The following EIF4EBP1 variants were observed in gnomAD, a reference collection of about 807,000 sequenced individuals.
The protein encoded by EIF4EBP1 is eukaryotic translation initiation factor 4E-binding protein 1.
EIF4EBP1 carries 5 observed loss-of-function variants against 9.2 expected under a neutral mutation model. That is an observed-to-expected ratio of 0.54 (90% CI 0.28 to 1.14). The LOEUF (loss-of-function observed/expected upper bound fraction) is 1.14. Among genes scored for constraint, EIF4EBP1 ranks in the 50% most tolerant of loss-of-function variants. The pLI is 0.09. For synonymous variants in EIF4EBP1, 62 were observed against 67.0 expected, an observed-to-expected ratio of 0.93 and a Z score of 0.36; for missense variants, 139 against 169.6, an observed-to-expected ratio of 0.82 and a Z score of 1.00.
intron 1 of EIF4EBP1, among the ~76,000 whole-genome samples, chr8:38,047,804 A>G (rs1293533559): frequency 1.3e-5 from 2 of 152,160 alleles, no homozygotes; most frequent in Admixed American, 1.3e-4. Flanking sequence ...TTTTTGATAA[A>G]TGAGGTTTTT....
chr8:38,037,401 C>A (rs1276522382), intron 1 of EIF4EBP1, among the ~76,000 whole-genome samples: 1 of 152,170 alleles, frequency 6.6e-6, no homozygotes, highest in Non-Finnish European at 1.5e-5. Context: ...ACTGCAACCT[C>A]CACCTCCCTG....
chr8:38,058,252 C>T (rs917012944), intron 2 of EIF4EBP1, among the ~76,000 whole-genome samples: 4 of 152,134 alleles, frequency 2.6e-5, no homozygotes, highest in Non-Finnish European at 4.4e-5. Context: ...GCTGGGAAGG[C>T]CAAGGGCATG....
At chr8:38,043,544 A>G (rs1809411650) in intron 1 of EIF4EBP1, among the ~76,000 whole-genome samples, 2 of 151,794 alleles carry the variant, frequency 1.3e-5, no homozygotes, top group South Asian at 4.2e-4. Context: ...ACAGAGTTTC[A>G]ACACGTTGGC....
chr8:38,030,800 A>T lies in EIF4EBP1; in HGVS notation c.145+82A>T, dbSNP rs1204213438. On this transcript the variant is annotated intron_variant, in intron 1 of 2. Coordinates refer to ENST00000338825, the MANE Select transcript of EIF4EBP1 (RefSeq NM_004095.4). Reference sequence around the variant, plus strand: ...GAATCGCGGATTGGACCGGGTGTCCAGGCTCAAGGGCGCCGTGATTGGAAA... The same window carrying T: ...GAATCGCGGATTGGACCGGGTGTCCTGGCTCAAGGGCGCCGTGATTGGAAA... 7 of 1,365,094 alleles carry T rather than the reference A, an allele frequency of 5.1e-6. No homozygotes were observed. The East Asian group carries it at 1.6e-4, about 30-fold the overall frequency. The allele number at this position is 1,365,094 out of a possible 1,614,324, so 84.6% of individuals were successfully genotyped here. A position where few individuals can be genotyped will look rare whatever the true frequency, so the allele number is the denominator to read the frequency against.
intron 1 of EIF4EBP1, among the ~76,000 whole-genome samples, chr8:38,051,497 A>G (rs1177788366): frequency 6.6e-6 from 1 of 152,144 alleles, no homozygotes; most frequent in African/African-American, 2.4e-5. Flanking sequence ...GTAGTGACCT[A>G]GTGGAGGTGG....
chr8:38,036,757 T>A (rs921589670), intron 1 of EIF4EBP1, among the ~76,000 whole-genome samples: 3 of 151,798 alleles, frequency 2.0e-5, no homozygotes, highest in African/African-American at 7.3e-5. Context: ...CAAGCAATCC[T>A]CCCATCTCAG....
At chr8:38,054,042 A>ATTTT (rs1470637083) in intron 1 of EIF4EBP1, among the ~76,000 whole-genome samples, 20 of 152,218 alleles carry the variant, frequency 1.3e-4, no homozygotes, top group Non-Finnish European at 5.9e-5. Flanking sequence ...CAATTTTTAA[A>ATTTT]AAGTCACCAG....
chr8:38,034,041 C>T (rs1174947216), intron 1 of EIF4EBP1, among the ~76,000 whole-genome samples: 4 of 152,010 alleles, frequency 2.6e-5, no homozygotes, highest in South Asian at 2.1e-4. Context: ...CCACTGCACC[C>T]GGCCCTTTTT....
At chr8:38,031,621 T>A (rs919378800) in intron 1 of EIF4EBP1, among the ~76,000 whole-genome samples, 1 of 152,184 alleles carries the variant, frequency 6.6e-6, no homozygotes, top group Non-Finnish European at 1.5e-5. Context: ...CTGCTTTCCA[T>A]ACTACTAGAA....
intron 1 of EIF4EBP1, among the ~76,000 whole-genome samples, chr8:38,040,795 T>C (rs1467887450): frequency 6.6e-6 from 1 of 152,174 alleles, no homozygotes; most frequent in African/African-American, 2.4e-5. Context: ...ATAACATCAC[T>C]TACCAAGTAT....
chr8:38,031,594 C>G (rs1001131364), intron 1 of EIF4EBP1, among the ~76,000 whole-genome samples: 5 of 152,196 alleles, frequency 3.3e-5, no homozygotes, highest in Non-Finnish European at 7.3e-5. Flanking sequence ...GCTCCTCTCC[C>G]TTCATTCTCC....
intron 1 of EIF4EBP1, among the ~76,000 whole-genome samples, chr8:38,032,896 G>T (rs1323370634): frequency 2.6e-5 from 4 of 152,020 alleles, no homozygotes; most frequent in Non-Finnish European, 4.4e-5. Flanking sequence ...AAGCCAAAAT[G>T]GTCACATTGC....
chr8:38,030,850 ACAGCGAGGGT>A, intron 1 of EIF4EBP1, 132 bp downstream of exon 1: 1 of 1,299,370 alleles, frequency 7.7e-7, no homozygotes, highest in Non-Finnish European at 9.9e-7. Flanking sequence ...CATCGGAGAG[ACAGCGAGGGT>A]CATGGAAGTG....
intron 1 of EIF4EBP1, among the ~76,000 whole-genome samples, chr8:38,047,842 T>A (rs981765877): frequency 6.6e-6 from 1 of 152,020 alleles, no homozygotes; most frequent in African/African-American, 2.4e-5. Context: ...TCTCTTCCTC[T>A]CCCCTCATTG....
At position 38,030,595 on chromosome 8, in the gene EIF4EBP1, A is replaced by C; in HGVS notation, c.22A>C (p.Ser8Arg). 6.6e-7 allele frequency: 1 copy of C among 1,515,742 alleles called. No homozygotes were observed. The highest frequency in any genetic ancestry group is 1.2e-5 in the South Asian group (1 of 82,134). The allele number at this position is 1,515,742 out of a possible 1,614,324, so 93.9% of individuals were successfully genotyped here. The stretch of plus-strand genomic sequence containing the variant: ...GACCATGTCCGGGGGCAGCAGCTGC[A>C]GCCAGACCCCAAGCCGGGCCATCCC... MSGGSSC[S>R]QTPSRAIPAT... The change falls in exon 1 of 3, where the codon AGC becomes CGC. Residue 8 changes from serine to arginine, a missense_variant. Coordinates refer to ENST00000338825, the MANE Select transcript of EIF4EBP1 (RefSeq NM_004095.4).
chr8:38,034,102 A>G (rs558768765), intron 1 of EIF4EBP1, among the ~76,000 whole-genome samples: 20 of 152,070 alleles, frequency 1.3e-4, no homozygotes, highest in Non-Finnish European at 2.4e-4. Flanking sequence ...GCTGGAGTAC[A>G]GTGGCACAAA....
At chr8:38,043,807 G>A (rs969635308) in intron 1 of EIF4EBP1, among the ~76,000 whole-genome samples, 1 of 152,012 alleles carries the variant, frequency 6.6e-6, no homozygotes, top group African/African-American at 2.4e-5. Flanking sequence ...CAGCGGTTGC[G>A]GGGCAGAGGT....
Position 38,049,606 on chromosome 8 carries a change from C to T in EIF4EBP1, c.146-7475C>T, listed in dbSNP as rs1301763867. 2.0e-5 allele frequency among the ~76,000 whole-genome samples: 3 copies of T among 151,202 alleles called. No homozygotes were observed. In the East Asian group the frequency reaches 5.9e-4, roughly 30 times the overall value. ...AAGCAATCCTCCTGCCTCAGCCTCC[C>T]GAGTAGCTGGGATTATAGACACACA... On this transcript the variant is annotated intron_variant, in intron 1 of 2. Coordinates refer to ENST00000338825, the MANE Select transcript of EIF4EBP1 (RefSeq NM_004095.4).
chr8:38,054,637 G>A (rs932460242), intron 1 of EIF4EBP1, among the ~76,000 whole-genome samples: 4 of 152,136 alleles, frequency 2.6e-5, no homozygotes, highest in Non-Finnish European at 5.9e-5. Flanking sequence ...CTCCCCTCTG[G>A]GGAGGAGAGA....
Sources: allele counts gnomAD v4.1 joint callset (sites outside exome capture counted in the v4.1 genomes callset), GRCh38; gene constraint gnomAD v4.1.1; transcripts MANE v1.5; gene names NCBI Gene and HGNC (gene_info 2026-07-23, HGNC 2026-07-21).